TRIM14: variants seen among roughly 807,000 people sequenced by gnomAD.
The protein encoded by TRIM14 is tripartite motif containing 14.
TRIM14 carries 28 observed loss-of-function variants against 44.5 expected under a neutral mutation model. The observed-to-expected ratio is 0.63, with a 90% confidence interval of 0.47 to 0.86. TRIM14 has a LOEUF of 0.86. TRIM14 is among the 40% of genes least tolerant of loss of function. TRIM14 has a pLI of 0.00. For synonymous variants in TRIM14, 299 were observed against 269.2 expected, an observed-to-expected ratio of 1.11 and a Z score of -1.08; for missense variants, 607 against 611.1, an observed-to-expected ratio of 0.99 and a Z score of 0.07.
chr9:98,110,678 G>A (rs889496871), intron 1 of TRIM14, among the ~76,000 whole-genome samples: 4 of 151,860 alleles, frequency 2.6e-5, no homozygotes, highest in African/African-American at 4.8e-5. Context: ...AGGGAGCAGG[G>A]TGTGACCAGA....
chr9:98,067,454 G>A (rs527539205), downstream of TRIM14, among the ~76,000 whole-genome samples: 1 of 152,150 alleles, frequency 6.6e-6, no homozygotes, highest in Non-Finnish European at 1.5e-5. Context: ...GTGACATGGT[G>A]TCTCATTGTG....
the TRIM14 span, among the ~76,000 whole-genome samples, chr9:98,036,234 G>T: frequency 6.6e-6 from 1 of 151,162 alleles, no homozygotes; most frequent in African/African-American, 2.4e-5. Context: ...AAGAAAAAAA[G>T]AAGTCCTTGT....
rs1299094693 is a variant in TRIM14, at chr9:98,085,578, C to G, written c.*1892G>C. 1.3e-5 allele frequency: 2 copies of G among 152,286 alleles called. No individual in the cohort carries two copies. Among genetic ancestry groups the G allele is most frequent in the African/African-American group, 4.8e-5 (2 of 41,540 alleles). 9.4% of individuals were successfully genotyped at this position (152,286 alleles called of 1,614,324 possible). A position where few individuals can be genotyped will look rare whatever the true frequency, so the allele number is the denominator to read the frequency against. On this transcript the variant is annotated 3_prime_UTR_variant, in exon 6 of 6. Transcript: ENST00000341469. ...GGGGTCAAGTGTATTCATCTTCCCTCTGTCAGGAACACCCTCTGCCTGTCA... is the reference window on the plus strand; with the variant it reads ...GGGGTCAAGTGTATTCATCTTCCCTGTGTCAGGAACACCCTCTGCCTGTCA...
At chr9:98,046,006 G>C in the TRIM14 span, among the ~76,000 whole-genome samples, 11 of 152,254 alleles carry the variant, frequency 7.2e-5, 1 homozygote, top group East Asian at 2.1e-3. Context: ...ATCCAGTTAA[G>C]GCCTCTTACA....
rs1395223385 is a variant in TRIM14 at position 98,087,743 on chromosome 9, G to T, written c.1056C>A (p.Ala352=). The change falls in exon 6 of 6, where the codon GCC becomes GCA. Residue 352 remains alanine, a synonymous_variant. Coordinates refer to ENST00000341469, the MANE Select transcript of TRIM14 (RefSeq NM_014788.4). ...ASLRRRGASA[A]ARLGCNRQSW... ...ACTGGCGGTTGCAGCCCAGGCGGGC[G>T]GCGGCCGAGGCCCCGCGGCGCCGAA... The T allele has an allele frequency of 5.1e-6, 8 of 1,560,528 alleles. No individual in the cohort carries two copies. In the African/African-American group the frequency reaches 6.9e-5, roughly 13 times the overall value.
rs533618432 is a variant in TRIM14, at chr9:98,098,682, C to T, written c.537+1249G>A. Among the ~76,000 whole-genome samples the T allele has an allele frequency of 1.2e-4, 18 of 151,720 alleles. No individual in the cohort carries two copies. In the East Asian group the frequency reaches 2.3e-3, roughly 20 times the overall value. On this transcript the variant is annotated intron_variant, in intron 3 of 5. Coordinates refer to ENST00000341469, the MANE Select transcript of TRIM14 (RefSeq NM_014788.4). ...TCACACCACTGCACTCCAGCCTGGG[C>T]GACAGAGCAAGACTCCGTCTCAAAA...
chr9:98,063,322 AC>A, the TRIM14 span, among the ~76,000 whole-genome samples: 4 of 151,794 alleles, frequency 2.6e-5, no homozygotes, highest in Non-Finnish European at 5.9e-5. Flanking sequence ...GCTCACTGCA[AC>A]CTCTGCCTCC....
chr9:98,046,947 T>C, the TRIM14 span, among the ~76,000 whole-genome samples: 1 of 152,172 alleles, frequency 6.6e-6, no homozygotes, highest in East Asian at 1.9e-4. Flanking sequence ...TAAGGGCTGA[T>C]GGGACAGCTG....
the TRIM14 span, among the ~76,000 whole-genome samples, chr9:98,051,236 A>G: frequency 1.3e-5 from 2 of 152,212 alleles, no homozygotes; most frequent in Admixed American, 1.3e-4. Context: ...TGTTTGGAGT[A>G]TTCTCCTTAT....
In TRIM14 at chr9:98,087,508, G is replaced by A. The variant is rs774141914; in HGVS notation, c.1291C>T (p.Leu431Phe). The A allele has an allele frequency of 2.5e-6, 4 of 1,599,152 alleles. No individual in the cohort carries two copies. The African/African-American group carries it at 5.4e-5, about 21-fold the overall frequency. Residue 431 changes from leucine to phenylalanine, a missense_variant, in exon 6 of 6, where the codon CTC becomes TTC. By Grantham distance (22) the Leu-to-Phe change is conservative. Around this residue, in one of 3 missense-constraint regions of TRIM14, gnomAD observed 356 missense variants for 323.0 expected, o/e 1.10. Coordinates refer to ENST00000341469, the MANE Select transcript of TRIM14 (RefSeq NM_014788.4). Reference protein sequence around the residue: ...FQEPLYPALRLWEGAISIPRL... With the variant: ...FQEPLYPALRFWEGAISIPRL... ...GGGATGCTGATGGCCCCCTCCCAGA[G>A]CCGCAGGGCCGGGTAGAGCGGCTCC...
At chr9:98,072,839 T>C (rs1310302285) in intron 6 of TRIM14, among the ~76,000 whole-genome samples, 1 of 152,186 alleles carries the variant, frequency 6.6e-6, no homozygotes, top group East Asian at 1.9e-4. Flanking sequence ...CTACCCTAAC[T>C]TCCTTATAGA....
chr9:98,084,905 G>A lies in TRIM14; in HGVS notation c.*2565C>T, dbSNP rs1006458410. 6.6e-6 allele frequency: 1 copy of A among 152,154 alleles called. No homozygotes were observed. The highest frequency in any genetic ancestry group is 1.5e-5 in the Non-Finnish European group (1 of 68,034). 9.4% of individuals were successfully genotyped at this position (152,154 alleles called of 1,614,324 possible). On this transcript the variant is annotated 3_prime_UTR_variant, in exon 6 of 6. Coordinates refer to ENST00000341469, the MANE Select transcript of TRIM14 (RefSeq NM_014788.4). ...GGCTCATTTGAGCCTCACAGCACTT[G>A]GTAGGTAGTGCTATTATCCCCATTT...
intron 6 of TRIM14, among the ~76,000 whole-genome samples, chr9:98,072,110 T>C (rs1829361625): frequency 6.6e-6 from 1 of 152,166 alleles, no homozygotes; most frequent in Non-Finnish European, 1.5e-5. Context: ...CTCCTGGTGC[T>C]CACACTCTGT....
At chr9:98,094,728 G>T in intron 4 of TRIM14, 139 bp downstream of exon 4, 1 of 959,770 alleles carries the variant, frequency 1.0e-6, no homozygotes, top group East Asian at 2.5e-5. Flanking sequence ...TGGGCACCAG[G>T]CCCAGGAGCC....
rs778800533 is a variant in TRIM14, at chr9:98,087,862, C to A, written c.937G>T (p.Ala313Ser). 5 of 1,563,334 alleles carry A rather than the reference C, an allele frequency of 3.2e-6. No homozygotes were observed. Among genetic ancestry groups the A allele is most frequent in the Non-Finnish European group, 4.3e-6 (5 of 1,165,320 alleles). Reference protein sequence around the residue: ...LRFDALWQVLARDCFATGRHY... With the variant: ...LRFDALWQVLSRDCFATGRHY... ...CGGCCGGTGGCGAAGCAGTCACGAG[C>A]CAGCACTTGCCAGAGCGCGTCGAAC... Residue 313 changes from alanine to serine, a missense_variant, in exon 6 of 6, where the codon GCT (alanine) becomes TCT (serine). Ala to Ser is a moderately conservative substitution (Grantham distance 99). This residue lies in a region of TRIM14 where 356 missense variants were observed against 323.0 expected (regional missense o/e 1.10). Transcript: ENST00000341469.
intron 2 of TRIM14, among the ~76,000 whole-genome samples, chr9:98,103,856 AT>A (rs1826498127): frequency 6.6e-6 from 1 of 151,358 alleles, no homozygotes; most frequent in Non-Finnish European, 1.5e-5. Flanking sequence ...AAAAAAAAAA[AT>A]TAAACATAGG....
chr9:98,087,696 T>C lies in TRIM14; in HGVS notation c.1103A>G (p.Asp368Gly). ...GTCGTGGAAGGCCCAGTACTCAAGG[T>C]CGTAGCGCTTGAGGCACCAGGACTG... The part of the protein sequence containing the change: ...NRQSWCLKRY[D>G]LEYWAFHDGQ... The change falls in exon 6 of 6, where the codon GAC becomes GGC. Residue 368 changes from aspartate (D) to glycine (G), a missense_variant. Transcript: ENST00000341469. 6.3e-7 allele frequency: 1 copy of C among 1,599,514 alleles called. No individual in the cohort carries two copies. Among genetic ancestry groups the C allele is most frequent in the Non-Finnish European group, 8.5e-7 (1 of 1,178,374 alleles).
intron 6 of TRIM14, chr9:98,077,109 T>C: frequency 1.1e-6 from 1 of 930,558 alleles, no homozygotes; most frequent in Admixed American, 2.8e-5. Context: ...GCAGATTTCA[T>C]GAAGACAAAT....
the TRIM14 span, among the ~76,000 whole-genome samples, chr9:98,059,956 C>T: frequency 6.6e-6 from 1 of 152,170 alleles, no homozygotes; most frequent in South Asian, 2.1e-4. Context: ...CTGGATGTTC[C>T]TGTCCCTGAG....
Sources: allele counts gnomAD v4.1 joint callset (sites outside exome capture counted in the v4.1 genomes callset), GRCh38; gene constraint gnomAD v4.1.1; regional missense constraint gnomAD v4.1.1; transcripts MANE v1.5; gene names NCBI Gene and HGNC (gene_info 2026-07-23, HGNC 2026-07-21).